Variants in SLC25A21 observed in about 807,000 individuals in gnomAD.
SLC25A21 encodes mitochondrial 2-oxodicarboxylate carrier.
A neutral mutation model predicts 43.8 loss-of-function variants in SLC25A21; 47 were observed. The observed-to-expected ratio is 1.07, with a 90% CI of 0.85 to 1.37. The LOEUF (loss-of-function observed/expected upper bound fraction) is 1.37. Among genes scored for constraint, SLC25A21 ranks in the 40% most tolerant of loss-of-function variants. The pLI is 0.00. For synonymous variants in SLC25A21, 131 were observed against 121.3 expected, an observed-to-expected ratio of 1.08 and a Z score of -0.52; for missense variants, 352 against 350.2, an observed-to-expected ratio of 1.00 and a Z score of -0.04.
At chr14:36,782,920 T>C (rs1169490984) in intron 3 of SLC25A21, among the ~76,000 whole-genome samples, 2 of 147,196 alleles carry the variant, frequency 1.4e-5, no homozygotes, top group Non-Finnish European at 3.0e-5. Context: ...ACCTGCACAA[T>C]GTGCACATGT....
intron 1 of SLC25A21, among the ~76,000 whole-genome samples, chr14:37,132,185 G>C (rs1963402904): frequency 6.6e-6 from 1 of 152,152 alleles, no homozygotes; most frequent in Non-Finnish European, 1.5e-5. Context: ...TCACGCAAAT[G>C]CCATTAATCC....
At chr14:37,088,870 A>ACT (rs762859172) in intron 1 of SLC25A21, among the ~76,000 whole-genome samples, 12 of 151,070 alleles carry the variant, frequency 7.9e-5, no homozygotes, top group East Asian at 1.9e-4. Flanking sequence ...TTTCTTTCTT[A>ACT]CTCTCTCTCT....
chr14:36,741,496 A>C (rs996798503), intron 3 of SLC25A21, among the ~76,000 whole-genome samples: 2 of 152,180 alleles, frequency 1.3e-5, no homozygotes, highest in Non-Finnish European at 2.9e-5. Context: ...TTTGCTGCTC[A>C]TGGAAGCTGG....
intron 2 of SLC25A21, among the ~76,000 whole-genome samples, chr14:36,826,377 TC>T (rs34766420): frequency 6.6e-6 from 1 of 152,200 alleles, no homozygotes; most frequent in African/African-American, 2.4e-5. Context: ...TCTGGTTGTT[TC>T]CCTGTATAGT....
chr14:36,775,774 G>C (rs946672769), intron 3 of SLC25A21, among the ~76,000 whole-genome samples: 2 of 152,138 alleles, frequency 1.3e-5, no homozygotes, highest in Admixed American at 6.5e-5. Flanking sequence ...ATTTAATGAG[G>C]ATTTAAGTTC....
chr14:37,080,030 G>C (rs780102256), intron 1 of SLC25A21, among the ~76,000 whole-genome samples: 1 of 152,060 alleles, frequency 6.6e-6, no homozygotes, highest in Non-Finnish European at 1.5e-5. Flanking sequence ...CAGAAAGAAG[G>C]TCCATACCAG....
At chr14:36,842,032 C>T (rs941353384) in intron 2 of SLC25A21, among the ~76,000 whole-genome samples, 20 of 152,168 alleles carry the variant, frequency 1.3e-4, no homozygotes, top group Admixed American at 7.9e-4. Context: ...ATTCTCTTCC[C>T]ATGTTTCCAC....
intron 1 of SLC25A21, among the ~76,000 whole-genome samples, chr14:36,899,531 A>G (rs1891342790): frequency 6.6e-6 from 1 of 152,222 alleles, no homozygotes; most frequent in African/African-American, 2.4e-5. Context: ...TGAAGTGTGC[A>G]GAGACCAGGG....
chr14:37,141,197 C>T (rs572611358), intron 1 of SLC25A21, among the ~76,000 whole-genome samples: 3 of 152,112 alleles, frequency 2.0e-5, no homozygotes, highest in South Asian at 4.1e-4. Flanking sequence ...TTTTGTATTA[C>T]GAGGAAGAAA....
At chr14:36,857,865 T>C (rs922995098) in intron 2 of SLC25A21, among the ~76,000 whole-genome samples, 2 of 152,214 alleles carry the variant, frequency 1.3e-5, no homozygotes, top group African/African-American at 4.8e-5. Context: ...GGGTCAACAA[T>C]TGCAAGTGAA....
At chr14:36,800,226 C>T (rs535509973) in intron 3 of SLC25A21, among the ~76,000 whole-genome samples, 2 of 152,180 alleles carry the variant, frequency 1.3e-5, no homozygotes, top group Admixed American at 1.3e-4. Context: ...TGGGTATATA[C>T]ACCAAAGAAC....
intron 1 of SLC25A21, among the ~76,000 whole-genome samples, chr14:36,973,533 G>A (rs904495122): frequency 3.3e-5 from 5 of 152,212 alleles, no homozygotes; most frequent in Admixed American, 6.5e-5. Flanking sequence ...GAGGGACACC[G>A]ATGGAAAGGT....
intron 1 of SLC25A21, among the ~76,000 whole-genome samples, chr14:37,031,542 T>C (rs1961210629): frequency 1.3e-5 from 2 of 152,228 alleles, no homozygotes; most frequent in South Asian, 2.1e-4. Context: ...TTACTTTATA[T>C]CACAGGTATC....
chr14:36,801,688 A>G (rs1887874004), intron 3 of SLC25A21, among the ~76,000 whole-genome samples: 1 of 152,128 alleles, frequency 6.6e-6, no homozygotes, highest in African/African-American at 2.4e-5. Context: ...TCTCTATAAT[A>G]TTGTCTTTCA....
chr14:37,055,634 G>C (rs534451620), intron 1 of SLC25A21, among the ~76,000 whole-genome samples: 3 of 152,086 alleles, frequency 2.0e-5, no homozygotes, highest in Non-Finnish European at 2.9e-5. Context: ...GAGAGGGAAG[G>C]TGTAGCCTCT....
At chr14:37,022,532 A>G (rs1231062722) in intron 1 of SLC25A21, among the ~76,000 whole-genome samples, 1 of 151,896 alleles carries the variant, frequency 6.6e-6, no homozygotes. Flanking sequence ...TCTCTCAACA[A>G]CCTCTTAGCA....
chr14:36,793,231 T>C (rs1887554170), intron 3 of SLC25A21, among the ~76,000 whole-genome samples: 1 of 152,094 alleles, frequency 6.6e-6, no homozygotes, highest in Non-Finnish European at 1.5e-5. Context: ...AACAGGAGAA[T>C]TTCCTCATAA....
intron 1 of SLC25A21, among the ~76,000 whole-genome samples, chr14:36,918,992 C>A (rs1475331206): frequency 6.6e-6 from 1 of 151,854 alleles, no homozygotes; most frequent in Non-Finnish European, 1.5e-5. Context: ...GGGAATTAGA[C>A]AGTAAATAGA....
At chr14:36,953,719 C>T (rs936362079) in intron 1 of SLC25A21, among the ~76,000 whole-genome samples, 1 of 152,046 alleles carries the variant, frequency 6.6e-6, no homozygotes, top group African/African-American at 2.4e-5. Context: ...ACTACATTTG[C>T]TATTAATTGG....
Sources: allele counts gnomAD v4.1 joint callset (sites outside exome capture counted in the v4.1 genomes callset), GRCh38; gene constraint gnomAD v4.1.1; transcripts MANE v1.5; gene names NCBI Gene and HGNC (gene_info 2026-07-23, HGNC 2026-07-21).